The following SYT1 variants were observed in gnomAD, a reference collection of about 807,000 sequenced individuals.
SYT1 encodes the protein synaptotagmin-1.
In SYT1, 8 loss-of-function variants were observed where a neutral mutation model predicts 44.8. The observed-to-expected ratio is 0.18, with a 90% CI of 0.10 to 0.32. The LOEUF is 0.32. Among genes scored for constraint, SYT1 ranks in the 10% least tolerant of loss-of-function variants. The pLI is 1.00. For synonymous variants in SYT1, 154 were observed against 188.8 expected, an observed-to-expected ratio of 0.82 and a Z score of 1.51; for missense variants, 286 against 509.3, an observed-to-expected ratio of 0.56 and a Z score of 4.22.
chr12:78,894,562 C>T (rs796547946), intron 1 of SYT1, among the ~76,000 whole-genome samples: 2 of 151,398 alleles, frequency 1.3e-5, no homozygotes, highest in African/African-American at 4.8e-5. Flanking sequence ...AAACTCCTCA[C>T]GATTAAATGA....
chr12:79,201,557 A>G lies in SYT1; in HGVS notation c.-17-15946A>G, dbSNP rs551481388. Among the ~76,000 whole-genome samples the G allele has an allele frequency of 1.2e-4, 19 of 152,310 alleles. No homozygotes were observed. The South Asian group carries it at 3.9e-3, about 32-fold the overall frequency. ...AAAGTCATCTTTCGGTGTGACTGAC[A>G]CTACCCAATTCACAAGGGGCTAATA... On this transcript the variant is annotated intron_variant, in intron 3 of 10. Transcript: ENST00000261205.
intron 9 of SYT1, among the ~76,000 whole-genome samples, chr12:79,403,813 G>A (rs1284780339): frequency 6.6e-6 from 1 of 152,132 alleles, no homozygotes; most frequent in Admixed American, 6.5e-5. Context: ...CCCCAAATCT[G>A]CTGAGTCTGT....
intron 4 of SYT1, among the ~76,000 whole-genome samples, chr12:79,252,920 A>C (rs1157434715): frequency 6.6e-6 from 1 of 152,212 alleles, no homozygotes; most frequent in East Asian, 1.9e-4. Flanking sequence ...CTGAATCATT[A>C]AAGAACAGCT....
chr12:79,253,997 C>T (rs1877375476), intron 4 of SYT1, among the ~76,000 whole-genome samples: 1 of 152,142 alleles, frequency 6.6e-6, no homozygotes, highest in African/African-American at 2.4e-5. Context: ...AAAGAAGTTG[C>T]CTCCAGACCA....
At chr12:79,027,620 C>G (rs1191861998) in intron 2 of SYT1, among the ~76,000 whole-genome samples, 5 of 151,404 alleles carry the variant, frequency 3.3e-5, no homozygotes, top group Non-Finnish European at 7.4e-5. Flanking sequence ...AGGCATGTGA[C>G]AACCATACAT....
At chr12:79,318,796 G>C (rs1379353652) in intron 8 of SYT1, among the ~76,000 whole-genome samples, 1 of 152,142 alleles carries the variant, frequency 6.6e-6, no homozygotes, top group East Asian at 1.9e-4. Context: ...AACCAACATA[G>C]CGTCAGAAAT....
intron 3 of SYT1, among the ~76,000 whole-genome samples, chr12:79,066,544 G>C (rs1054698601): frequency 3.3e-5 from 5 of 151,182 alleles, no homozygotes; most frequent in Non-Finnish European, 5.9e-5. Context: ...TGGGGAGAGA[G>C]AGCAGAGTCA....
intron 3 of SYT1, among the ~76,000 whole-genome samples, chr12:79,057,566 T>C (rs1875054766): frequency 1.3e-5 from 2 of 152,120 alleles, no homozygotes; most frequent in Non-Finnish European, 2.9e-5. Context: ...GGAAGTAATA[T>C]ATTTTTTTTA....
chr12:79,183,215 C>T (rs1440549243), intron 3 of SYT1, among the ~76,000 whole-genome samples: 2 of 151,924 alleles, frequency 1.3e-5, no homozygotes, highest in African/African-American at 4.8e-5. Context: ...GTAGCTTACA[C>T]ATGCAGCACC....
chr12:79,020,328 A>G (rs1271582147), intron 2 of SYT1, among the ~76,000 whole-genome samples: 1 of 151,874 alleles, frequency 6.6e-6, no homozygotes, highest in African/African-American at 2.4e-5. Flanking sequence ...CAACAAGTCC[A>G]CCTGACAGAT....
chr12:79,398,074 T>C (rs1466013200), intron 9 of SYT1, among the ~76,000 whole-genome samples: 3 of 152,214 alleles, frequency 2.0e-5, no homozygotes, highest in African/African-American at 7.2e-5. Flanking sequence ...TCTACATATG[T>C]TTTTCCTGTT....
At chr12:79,336,323 C>T (rs1269347933) in intron 8 of SYT1, among the ~76,000 whole-genome samples, 4 of 152,154 alleles carry the variant, frequency 2.6e-5, no homozygotes, top group South Asian at 2.1e-4. Context: ...GCTTTCCCCA[C>T]GATTCCTGAG....
At chr12:79,108,018 G>A (rs1054785725) in intron 3 of SYT1, among the ~76,000 whole-genome samples, 10 of 151,868 alleles carry the variant, frequency 6.6e-5, no homozygotes, top group Admixed American at 6.6e-5. Flanking sequence ...CTAGAATATT[G>A]TTAAGAACTT....
chr12:79,110,800 G>GGCTA (rs1878970402), intron 3 of SYT1, among the ~76,000 whole-genome samples: 1 of 152,074 alleles, frequency 6.6e-6, no homozygotes. Context: ...TAATAATAAA[G>GGCTA]GCTAACATTT....
intron 9 of SYT1, among the ~76,000 whole-genome samples, chr12:79,427,544 T>TA (rs764591386): frequency 6.6e-6 from 1 of 152,098 alleles, no homozygotes; most frequent in Non-Finnish European, 1.5e-5. Flanking sequence ...GCTTAGAGAT[T>TA]AGGAGGGAAA....
At chr12:78,980,188 CA>C (rs5799406) in intron 2 of SYT1, among the ~76,000 whole-genome samples, 5,102 of 152,152 alleles carry the variant, frequency 0.034, 121 homozygotes, top group Admixed American at 0.054. Context: ...AGTTAGGGGA[CA>C]AAGAACTGTC....
At chr12:79,152,328 AG>A (rs1321750142) in intron 3 of SYT1, among the ~76,000 whole-genome samples, 1 of 152,130 alleles carries the variant, frequency 6.6e-6, no homozygotes. Flanking sequence ...TTTAGGACAT[AG>A]GAAGTTGGCA....
chr12:78,866,628 G>T (rs1333480368), intron 1 of SYT1, among the ~76,000 whole-genome samples: 1 of 152,094 alleles, frequency 6.6e-6, no homozygotes, highest in African/African-American at 2.4e-5. Context: ...CGATAGTACT[G>T]TCAGATGGAA....
chr12:79,210,210 C>T (rs1344715946), intron 3 of SYT1, among the ~76,000 whole-genome samples: 1 of 152,070 alleles, frequency 6.6e-6, no homozygotes, highest in Non-Finnish European at 1.5e-5. Context: ...TGATTTTCCT[C>T]ATTTTATACC....
Sources: allele counts gnomAD v4.1 joint callset (sites outside exome capture counted in the v4.1 genomes callset), GRCh38; gene constraint gnomAD v4.1.1; transcripts MANE v1.5; gene names NCBI Gene and HGNC (gene_info 2026-07-23, HGNC 2026-07-21).